Variants in EIF3H observed in about 807,000 individuals in gnomAD.
The protein encoded by EIF3H is eIF-3-gamma.
EIF3H carries 26 observed loss-of-function variants against 44.2 expected under a neutral mutation model. The ratio of observed to expected loss-of-function variants is 0.59; its 90% CI spans 0.43 to 0.82. EIF3H has a LOEUF of 0.82. EIF3H is among the 40% of genes least tolerant of loss of function. EIF3H has a pLI of 0.00. For synonymous variants in EIF3H, 166 were observed against 151.9 expected (o/e 1.09, Z -0.68); for missense variants, 359 against 432.8 (o/e 0.83, Z 1.51).
chr8:116,658,677 C>T (rs1467690885), intron 3 of EIF3H, 136 bp downstream of exon 3: 7 of 767,728 alleles, frequency 9.1e-6, no homozygotes, highest in Non-Finnish European at 1.0e-5. Flanking sequence ...TGAGCTGCTG[C>T]TGAGGCTGCT....
chr8:116,696,103 G>A (rs905511697), intron 2 of EIF3H, among the ~76,000 whole-genome samples: 1 of 152,200 alleles, frequency 6.6e-6, no homozygotes, highest in African/African-American at 2.4e-5. Context: ...CATGCTCAGG[G>A]TGTTCTTGGC....
At chr8:116,750,433 G>A (rs1174763669) in intron 1 of EIF3H, among the ~76,000 whole-genome samples, 3 of 143,374 alleles carry the variant, frequency 2.1e-5, no homozygotes, top group Admixed American at 7.1e-5. Flanking sequence ...TTTCTGAGAC[G>A]GAGTCTCGCT....
chr8:116,693,237 T>G (rs544529390), intron 2 of EIF3H, among the ~76,000 whole-genome samples: 2 of 152,262 alleles, frequency 1.3e-5, no homozygotes, highest in South Asian at 4.1e-4. Flanking sequence ...AACATTCAAT[T>G]TTTAGGAAAC....
intron 2 of EIF3H, among the ~76,000 whole-genome samples, chr8:116,700,819 C>T (rs1399929204): frequency 6.6e-6 from 1 of 152,084 alleles, no homozygotes; most frequent in Non-Finnish European, 1.5e-5. Context: ...CTTTTAAACA[C>T]CTTTTTTGAG....
At chr8:116,696,853 G>A (rs1280919418) in intron 2 of EIF3H, among the ~76,000 whole-genome samples, 1 of 152,086 alleles carries the variant, frequency 6.6e-6, no homozygotes, top group African/African-American at 2.4e-5. Context: ...AAACATATGA[G>A]GCAGAACAGC....
intron 1 of EIF3H, among the ~76,000 whole-genome samples, chr8:116,763,773 C>A (rs1815541804): frequency 6.6e-6 from 1 of 152,096 alleles, no homozygotes; most frequent in Non-Finnish European, 1.5e-5. Context: ...AAGAATAATA[C>A]CACAATAGAT....
intron 2 of EIF3H, among the ~76,000 whole-genome samples, chr8:116,686,778 GT>G (rs1260277669): frequency 2.0e-5 from 3 of 151,316 alleles, no homozygotes; most frequent in African/African-American, 7.3e-5. Context: ...ATGGGCAAGA[GT>G]TTGCCAGGCC....
chr8:116,757,384 G>A (rs1031494518), upstream of EIF3H, among the ~76,000 whole-genome samples: 1 of 151,982 alleles, frequency 6.6e-6, no homozygotes, highest in Non-Finnish European at 1.5e-5. Context: ...CCGTCACTTC[G>A]GTTCCTAATT....
intron 1 of EIF3H, among the ~76,000 whole-genome samples, chr8:116,752,726 A>G (rs796151951): frequency 1.6e-5 from 2 of 123,704 alleles, no homozygotes; most frequent in Admixed American, 8.3e-5. Flanking sequence ...GAAAGAAAGA[A>G]AGAAAGAAGA....
intron 2 of EIF3H, among the ~76,000 whole-genome samples, chr8:116,719,028 G>C (rs574476165): frequency 6.6e-6 from 1 of 152,098 alleles, no homozygotes; most frequent in Non-Finnish European, 1.5e-5. Flanking sequence ...AATGAAGACA[G>C]AAATAATTAT....
rs1474893136 is a variant in EIF3H, at chr8:116,752,724, GAAA to G, written c.132+2939_132+2941del. ...AGAAAGAAAGAAAGAAAGAAAGAAA[GAAA>G]GAAAGAAGAGAAAGAAAGAAAGAAA... is the stretch of plus-strand genomic sequence containing the variant. On this transcript the variant is annotated intron_variant, in intron 1 of 7. Coordinates refer to ENST00000521861, the MANE Select transcript of EIF3H (RefSeq NM_003756.3). 7.1e-4 allele frequency among the ~76,000 whole-genome samples: 86 copies of G among 120,474 alleles called. 2 individuals carry two copies. Among genetic ancestry groups the G allele is most frequent in the East Asian group, 1.5e-3 (5 of 3,310 alleles). 79.0% of individuals were successfully genotyped at this position (120,474 alleles called of 152,430 possible).
At chr8:116,667,291 TA>T (rs960585499) in intron 2 of EIF3H, among the ~76,000 whole-genome samples, 2 of 152,146 alleles carry the variant, frequency 1.3e-5, no homozygotes, top group African/African-American at 4.8e-5. Flanking sequence ...ACCCTAACCC[TA>T]AAATGAAATT....
chr8:116,662,434 C>G (rs1813599383), intron 2 of EIF3H, among the ~76,000 whole-genome samples: 1 of 152,106 alleles, frequency 6.6e-6, no homozygotes, highest in Non-Finnish European at 1.5e-5. Context: ...CCAACAAATG[C>G]AGTGTTTGAA....
At chr8:116,684,045 G>T (rs1177497798) in intron 2 of EIF3H, among the ~76,000 whole-genome samples, 1 of 152,150 alleles carries the variant, frequency 6.6e-6, no homozygotes, top group Non-Finnish European at 1.5e-5. Context: ...CCCTGCAGTA[G>T]TACAACTTTA....
At chr8:116,681,382 C>CT (rs1167785448) in intron 2 of EIF3H, among the ~76,000 whole-genome samples, 2 of 151,470 alleles carry the variant, frequency 1.3e-5, no homozygotes, top group African/African-American at 4.9e-5. Context: ...TACAAACACT[C>CT]TATGACCGGG....
intron 2 of EIF3H, 104 bp downstream of exon 2, chr8:116,725,912 C>CCTGACA (rs1563654080): frequency 4.4e-6 from 6 of 1,356,978 alleles, no homozygotes; most frequent in Non-Finnish European, 5.9e-6. Flanking sequence ...AGTAGGCTAG[C>CCTGACA]CTGACAGATT....
intron 1 of EIF3H, among the ~76,000 whole-genome samples, chr8:116,743,486 A>G (rs1426246391): frequency 1.3e-5 from 2 of 150,534 alleles, no homozygotes; most frequent in Non-Finnish European, 3.0e-5. Flanking sequence ...GCTCATGCCT[A>G]TAATCCCAGT....
intron 1 of EIF3H, among the ~76,000 whole-genome samples, chr8:116,739,929 T>C (rs2130957051): frequency 6.6e-6 from 1 of 152,248 alleles, no homozygotes; most frequent in East Asian, 1.9e-4. Context: ...TCCCCCAATC[T>C]ATCACAGACC....
At chr8:116,724,881 T>C (rs1418274901) in intron 2 of EIF3H, among the ~76,000 whole-genome samples, 1 of 152,018 alleles carries the variant, frequency 6.6e-6, no homozygotes, top group African/African-American at 2.4e-5. Flanking sequence ...CATACAGAAG[T>C]TCCTCAAAAA....
Sources: allele counts gnomAD v4.1 joint callset (sites outside exome capture counted in the v4.1 genomes callset), GRCh38; gene constraint gnomAD v4.1.1; transcripts MANE v1.5; gene names NCBI Gene and HGNC (gene_info 2026-07-23, HGNC 2026-07-21).